PLEKHA5: variants seen among roughly 807,000 people sequenced by gnomAD.
PLEKHA5 encodes the protein pleckstrin homology domain containing A5.
PLEKHA5 carries 55 observed loss-of-function variants against 181.9 expected under a neutral mutation model. The ratio of observed to expected loss-of-function variants is 0.30; its 90% CI spans 0.24 to 0.38. The LOEUF is 0.38. Ranked by LOEUF, PLEKHA5 falls within the 10% of genes least tolerant of loss-of-function variation. The pLI is 1.00. For missense variants in PLEKHA5, 1,432 were observed against 1,549.5 expected (o/e 0.92, Z 1.27); for synonymous variants, 535 against 529.4 (o/e 1.01, Z -0.15).
At chr12:19,203,128 A>T (rs933373213) in intron 3 of PLEKHA5, among the ~76,000 whole-genome samples, 4 of 152,110 alleles carry the variant, frequency 2.6e-5, no homozygotes, top group Admixed American at 6.6e-5. Context: ...AAATCAGAAC[A>T]CTTAAGTTGG....
intron 15 of PLEKHA5, among the ~76,000 whole-genome samples, chr12:19,294,025 C>T (rs2079136507): frequency 6.6e-6 from 1 of 152,094 alleles, no homozygotes; most frequent in Non-Finnish European, 1.5e-5. Flanking sequence ...TAAAGCTATT[C>T]AATTTTTAAA....
At chr12:19,174,312 G>A (rs925428638) in intron 3 of PLEKHA5, among the ~76,000 whole-genome samples, 2 of 152,008 alleles carry the variant, frequency 1.3e-5, no homozygotes, top group South Asian at 2.1e-4. Context: ...TCAGAAAATC[G>A]CACTGGAGGT....
intron 3 of PLEKHA5, among the ~76,000 whole-genome samples, chr12:19,215,218 A>C (rs925464493): frequency 6.6e-6 from 1 of 152,174 alleles, no homozygotes; most frequent in Non-Finnish European, 1.5e-5. Context: ...CTTACTAAAA[A>C]CTATTTCTTC....
In PLEKHA5 at chr12:19,308,817, G is replaced by C. The variant is rs150361576; in HGVS notation, c.2038-5997G>C. ...ATTTTAGCACTTTGGGAGGCCGAAG[G>C]GGGGCAGATCACCTGAGGTAAGGAG... On this transcript the variant is annotated intron_variant, in intron 15 of 31. Coordinates refer to ENST00000429027, the MANE Select transcript of PLEKHA5 (RefSeq NM_001256470.2). Among the ~76,000 whole-genome samples, 642 of 152,036 alleles carry C rather than the reference G, an allele frequency of 4.2e-3. 2 individuals are homozygous for C. The highest frequency in any genetic ancestry group is 7.5e-3 in the Admixed American group (115 of 15,260).
At chr12:19,162,620 A>G (rs1002059368) in intron 3 of PLEKHA5, among the ~76,000 whole-genome samples, 3 of 151,960 alleles carry the variant, frequency 2.0e-5, no homozygotes, top group Non-Finnish European at 4.4e-5. Flanking sequence ...TGTCTGCTAC[A>G]GAGACAGGCC....
At chr12:19,351,895 G>A (rs536326666) in intron 25 of PLEKHA5, among the ~76,000 whole-genome samples, 15 of 151,960 alleles carry the variant, frequency 9.9e-5, no homozygotes, top group Non-Finnish European at 1.5e-4. Context: ...CCAACATGGC[G>A]AAACCCTGTC....
chr12:19,284,831 G>C (rs2076895302), intron 12 of PLEKHA5, among the ~76,000 whole-genome samples: 1 of 152,058 alleles, frequency 6.6e-6, no homozygotes, highest in African/African-American at 2.4e-5. Flanking sequence ...ACTTTGGGGA[G>C]CCAAGGCCAT....
intron 25 of PLEKHA5, among the ~76,000 whole-genome samples, chr12:19,349,262 C>T (rs2094476764): frequency 6.6e-6 from 1 of 151,956 alleles, no homozygotes; most frequent in South Asian, 2.1e-4. Context: ...ACTACAGGCA[C>T]ACACCACCAT....
At chr12:19,368,040 C>A (rs186649702) in intron 30 of PLEKHA5, among the ~76,000 whole-genome samples, 103 of 151,940 alleles carry the variant, frequency 6.8e-4, no homozygotes, top group African/African-American at 2.4e-3. Context: ...AGAACATCTT[C>A]CGTATCTTAT....
rs753779744 is a variant in PLEKHA5, at chr12:19,278,029, T to C, written c.1313+3046T>C. Among the ~76,000 whole-genome samples the C allele has an allele frequency of 2.6e-5, 4 of 152,196 alleles. 1 individual carries two copies. Among genetic ancestry groups the C allele is most frequent in the Non-Finnish European group, 5.9e-5 (4 of 68,042 alleles). ...GCTTTCAGTTAAAAGTAAATCACAC[T>C]TTGCTTAATTTGAATTTCTTTGGGG... On this transcript the variant is annotated intron_variant, in intron 11 of 31. Coordinates refer to ENST00000429027, the MANE Select transcript of PLEKHA5 (RefSeq NM_001256470.2).
In PLEKHA5 at chr12:19,140,900, T is replaced by C. The variant is rs995678147; in HGVS notation, c.227+8450T>C. ...GCCTCCTGGGTTCAAGTGATTCTCC[T>C]GCTTCAGCCTCCTGAGTAGCTGGGA... is the stretch of plus-strand genomic sequence containing the variant. On this transcript the variant is annotated intron_variant, in intron 3 of 31. Transcript: ENST00000429027. Among the ~76,000 whole-genome samples the C allele has an allele frequency of 1.2e-3, 180 of 152,330 alleles. 2 individuals are homozygous for C. Among genetic ancestry groups the C allele is most frequent in the Admixed American group, 0.012 (177 of 15,302 alleles).
At chr12:19,341,135 G>A (rs1438611586) in intron 21 of PLEKHA5, among the ~76,000 whole-genome samples, 2 of 151,976 alleles carry the variant, frequency 1.3e-5, no homozygotes, top group Admixed American at 6.6e-5. Context: ...GAGAGAGCTG[G>A]GCATGGTGTC....
chr12:19,372,193 G>A lies in PLEKHA5; in HGVS notation c.*11+2395G>A, dbSNP rs143872644. On this transcript the variant is annotated intron_variant, in intron 31 of 31. Coordinates refer to ENST00000429027, the MANE Select transcript of PLEKHA5 (RefSeq NM_001256470.2). ...TTTTTGAATTTTTAGTAGAGATGGG[G>A]TTTCACCATGTTGGCCAGTATGGTC... 2.5e-3 allele frequency: 388 copies of A among 152,232 alleles called. 2 individuals carry two copies. The highest frequency in any genetic ancestry group is 0.02 in the Middle Eastern group (6 of 296). 9.4% of individuals were successfully genotyped at this position (152,232 alleles called of 1,614,324 possible).
chr12:19,264,284 A>C (rs1455845182), intron 7 of PLEKHA5, among the ~76,000 whole-genome samples: 1 of 152,040 alleles, frequency 6.6e-6, no homozygotes, highest in Non-Finnish European at 1.5e-5. Context: ...AGGCAGGAAA[A>C]CGGCCTCACG....
chr12:19,229,528 A>G (rs943686611), intron 3 of PLEKHA5, among the ~76,000 whole-genome samples: 2 of 151,614 alleles, frequency 1.3e-5, no homozygotes, highest in African/African-American at 2.4e-5. Context: ...AGAGTTGTTC[A>G]TTCCTCCCGG....
intron 6 of PLEKHA5, among the ~76,000 whole-genome samples, chr12:19,258,845 G>A (rs1207223971): frequency 3.3e-5 from 5 of 151,978 alleles, no homozygotes; most frequent in Non-Finnish European, 5.9e-5. Context: ...GATTACAGGC[G>A]TGAGCCACCA....
chr12:19,218,411 C>T (rs1158127438), intron 3 of PLEKHA5, among the ~76,000 whole-genome samples: 1 of 151,922 alleles, frequency 6.6e-6, no homozygotes, highest in Non-Finnish European at 1.5e-5. Context: ...AAAAGTGATG[C>T]CATATATTTA....
At chr12:19,374,515 T>C (rs1297174491) in intron 31 of PLEKHA5, among the ~76,000 whole-genome samples, 1 of 151,044 alleles carries the variant, frequency 6.6e-6, no homozygotes, top group East Asian at 2.0e-4. Context: ...AAAAATTAGC[T>C]GGGCGTGGTG....
intron 11 of PLEKHA5, among the ~76,000 whole-genome samples, chr12:19,280,391 C>G (rs1434875563): frequency 6.6e-6 from 1 of 152,040 alleles, no homozygotes; most frequent in Non-Finnish European, 1.5e-5. Context: ...ACTGACAGGT[C>G]TTTGGGTCAA....
Sources: allele counts gnomAD v4.1 joint callset (sites outside exome capture counted in the v4.1 genomes callset), GRCh38; gene constraint gnomAD v4.1.1; transcripts MANE v1.5; gene names NCBI Gene and HGNC (gene_info 2026-07-23, HGNC 2026-07-21).